UTRN: variants seen among roughly 807,000 people sequenced by gnomAD.
The protein encoded by UTRN is utrophin.
Under a neutral mutation model 463.9 loss-of-function variants are expected in UTRN, and 283 were observed. The observed-to-expected ratio is 0.61, with a 90% CI of 0.55 to 0.67. UTRN has a LOEUF of 0.67. Ranked by LOEUF, UTRN falls within the 30% of genes least tolerant of loss-of-function variation. The probability of loss-of-function intolerance (pLI) is 0.00; values close to 1 mark genes in which losing one functional copy is unlikely to be tolerated. For synonymous variants in UTRN, 1,442 were observed against 1,431.5 expected, an observed-to-expected ratio of 1.01 and a Z score of -0.17; for missense variants, 3,922 against 4,084.3, an observed-to-expected ratio of 0.96 and a Z score of 1.08.
At chr6:144,830,814 A>G (rs1018550375) in intron 69 of UTRN, among the ~76,000 whole-genome samples, 13 of 151,952 alleles carry the variant, frequency 8.6e-5, no homozygotes, top group African/African-American at 2.9e-4. Flanking sequence ...TATTCTTTCA[A>G]TGTGGTTCCT....
intron 19 of UTRN, among the ~76,000 whole-genome samples, chr6:144,458,099 A>G (rs1789055230): frequency 6.6e-6 from 1 of 152,212 alleles, no homozygotes. Context: ...ATAAGATTTC[A>G]GTAATAAAAA....
chr6:144,434,356 G>GGGGGAT (rs1786323531), intron 9 of UTRN, among the ~76,000 whole-genome samples: 1 of 150,802 alleles, frequency 6.6e-6, no homozygotes, highest in Non-Finnish European at 1.5e-5. Flanking sequence ...GGGAGGGGGA[G>GGGGGAT]GGAGAGGGAG....
At chr6:144,380,948 G>T (rs901109199) in intron 2 of UTRN, among the ~76,000 whole-genome samples, 1 of 152,008 alleles carries the variant, frequency 6.6e-6, no homozygotes, top group Admixed American at 6.6e-5. Context: ...CAGAAGTGAG[G>T]CACCTTGCCC....
At chr6:144,769,275 TC>T (rs1431953687) in intron 58 of UTRN, among the ~76,000 whole-genome samples, 1 of 151,634 alleles carries the variant, frequency 6.6e-6, no homozygotes, top group African/African-American at 2.4e-5. Context: ...TTTAACCCTC[TC>T]CCCCGACTTA....
chr6:144,798,035 G>A, intron 64 of UTRN, 45 bp downstream of exon 64: 2 of 1,611,950 alleles, frequency 1.2e-6, no homozygotes, highest in Non-Finnish European at 1.7e-6. Flanking sequence ...TGTTTCCTTT[G>A]TGTAATCTCA....
chr6:144,480,129 G>T, intron 26 of UTRN, 147 bp downstream of exon 26: 1 of 1,045,232 alleles, frequency 9.6e-7, no homozygotes, highest in Non-Finnish European at 1.3e-6. Flanking sequence ...ACATAACAGG[G>T]TAGCTGCTCT....
chr6:144,407,789 T>A (rs1263509889), intron 3 of UTRN, among the ~76,000 whole-genome samples: 1 of 152,220 alleles, frequency 6.6e-6, no homozygotes, highest in Non-Finnish European at 1.5e-5. Context: ...CTGCAAATCC[T>A]TGTGAACATA....
At chr6:144,611,530 A>T (rs763233724) in intron 51 of UTRN, among the ~76,000 whole-genome samples, 2 of 152,230 alleles carry the variant, frequency 1.3e-5, no homozygotes, top group Non-Finnish European at 2.9e-5. Flanking sequence ...CAACATCAAC[A>T]TATAAAAATC....
chr6:144,306,311 A>G (rs921524084), intron 2 of UTRN, among the ~76,000 whole-genome samples: 6 of 152,106 alleles, frequency 3.9e-5, no homozygotes, highest in African/African-American at 1.4e-4. Flanking sequence ...GGATGAGGCA[A>G]GCCTGGGGTT....
chr6:144,607,424 A>C (rs1804974998), intron 51 of UTRN, among the ~76,000 whole-genome samples: 1 of 152,194 alleles, frequency 6.6e-6, no homozygotes, highest in Non-Finnish European at 1.5e-5. Flanking sequence ...ACATCTTCTC[A>C]TGTCAATATT....
chr6:144,731,808 T>C (rs559804566), intron 54 of UTRN, among the ~76,000 whole-genome samples: 7 of 152,150 alleles, frequency 4.6e-5, no homozygotes, highest in Non-Finnish European at 8.8e-5. Flanking sequence ...TGTTGAGTCT[T>C]CCACTTTTCA....
In UTRN at chr6:144,699,439, CA is replaced by C. The variant is rs112944311; in HGVS notation, c.7653-637del. Among the ~76,000 whole-genome samples the C allele has an allele frequency of 4.6e-3, 263 of 57,260 alleles. 2 individuals are homozygous for C. The highest frequency in any genetic ancestry group is 0.018 in the Admixed American group (59 of 3,336). 37.6% of individuals were successfully genotyped at this position (57,260 alleles called of 152,430 possible). A position where few individuals can be genotyped will look rare whatever the true frequency, so the allele number is the denominator to read the frequency against. On this transcript the variant is annotated intron_variant, in intron 52 of 74. Transcript: ENST00000367545. ...TGGGTGACAGAGCAATACTCTGTCT[CA>C]AAAAAAAAAATAATAATAATAATTA...
At chr6:144,376,359 G>T (rs1034327991) in intron 2 of UTRN, among the ~76,000 whole-genome samples, 2 of 151,976 alleles carry the variant, frequency 1.3e-5, no homozygotes, top group Non-Finnish European at 2.9e-5. Context: ...GGAGGCTGAG[G>T]CAGGAGAATC....
At chr6:144,297,377 A>G (rs17073578) in intron 2 of UTRN, among the ~76,000 whole-genome samples, 25,366 of 152,216 alleles carry the variant, frequency 0.17, 3,589 homozygotes, top group African/African-American at 0.39. Context: ...ACAAGATTCA[A>G]TTTTATGAAA....
intron 16 of UTRN, among the ~76,000 whole-genome samples, chr6:144,448,000 C>G (rs1787862426): frequency 6.6e-6 from 1 of 151,994 alleles, no homozygotes; most frequent in South Asian, 2.1e-4. Flanking sequence ...TTATACTTAG[C>G]CAATAAATAA....
At chr6:144,343,361 TAA>T (rs1777291698) in intron 2 of UTRN, among the ~76,000 whole-genome samples, 1 of 108,254 alleles carries the variant, frequency 9.2e-6, no homozygotes, top group Non-Finnish European at 1.8e-5. Context: ...CCGTCTCTAC[TAA>T]ACACACACAC....
At chr6:144,380,338 A>G (rs939381051) in intron 2 of UTRN, among the ~76,000 whole-genome samples, 88 of 152,326 alleles carry the variant, frequency 5.8e-4, no homozygotes, top group African/African-American at 2.1e-3. Context: ...GTCTAGGAGG[A>G]TGTATATAAA....
At chr6:144,802,919 G>A (rs1159379581) in intron 64 of UTRN, 117 bp from the exon 65 acceptor site, 1 of 619,356 alleles carries the variant, frequency 1.6e-6, no homozygotes, top group Non-Finnish European at 2.4e-6. Flanking sequence ...TCAGAGACTT[G>A]AACTCCAAAA....
chr6:144,604,686 G>A (rs1015522041), intron 51 of UTRN, among the ~76,000 whole-genome samples: 5 of 152,118 alleles, frequency 3.3e-5, no homozygotes, highest in South Asian at 2.1e-4. Flanking sequence ...GGCTGAGGAA[G>A]GTGGATCACC....
Sources: allele counts gnomAD v4.1 joint callset (sites outside exome capture counted in the v4.1 genomes callset), GRCh38; gene constraint gnomAD v4.1.1; transcripts MANE v1.5; gene names NCBI Gene and HGNC (gene_info 2026-07-23, HGNC 2026-07-21).